CSMD1: variants seen among roughly 807,000 people sequenced by gnomAD.
CSMD1 encodes the protein CUB and Sushi multiple domains 1.
In CSMD1, 213 loss-of-function variants were observed where a neutral mutation model predicts 417.5. The observed-to-expected ratio is 0.51, with a 90% CI of 0.46 to 0.57. CSMD1 has a LOEUF of 0.57. Among genes scored for constraint, CSMD1 ranks in the 20% least tolerant of loss-of-function variants. The pLI is 0.00. For missense variants in CSMD1, 6,923 were observed against 4,529.7 expected (o/e 1.53, Z -15.17); for synonymous variants, 2,862 against 1,736.8 (o/e 1.65, Z -16.11).
chr8:4,878,903 C>A (rs1803218389), intron 1 of CSMD1, among the ~76,000 whole-genome samples: 1 of 150,666 alleles, frequency 6.6e-6, no homozygotes, highest in Non-Finnish European at 1.5e-5. Context: ...ATGCTCCGAG[C>A]AGAGAGAACG....
intron 2 of CSMD1, among the ~76,000 whole-genome samples, chr8:4,444,740 T>C (rs1798681059): frequency 6.6e-6 from 1 of 152,232 alleles, no homozygotes; most frequent in South Asian, 2.1e-4. Flanking sequence ...TGAGGTAAAA[T>C]GATATGAATA....
intron 5 of CSMD1, among the ~76,000 whole-genome samples, chr8:3,949,357 C>G (rs1226987333): frequency 6.6e-6 from 1 of 152,158 alleles, no homozygotes; most frequent in Non-Finnish European, 1.5e-5. Context: ...CCCAACACCT[C>G]AATCTCACAG....
In CSMD1 at chr8:4,288,062, A is replaced by G. The variant is rs537491017; in HGVS notation, c.415+131891T>C. On this transcript the variant is annotated intron_variant, in intron 3 of 69. Transcript: ENST00000635120. ...GACAGAAAGCTAAAACAAGGAGGAT[A>G]TAAAACTTCTTTACTTTTACTGAGC... Among the ~76,000 whole-genome samples the G allele has an allele frequency of 7.9e-5, 12 of 152,358 alleles. No homozygotes were observed. In the East Asian group the frequency reaches 1.9e-3, roughly 24 times the overall value.
intron 1 of CSMD1, among the ~76,000 whole-genome samples, chr8:4,882,549 G>T (rs1169428282): frequency 1.3e-5 from 2 of 151,678 alleles, no homozygotes; most frequent in Non-Finnish European, 2.9e-5. Context: ...CGTGGCCTCT[G>T]CTGAGGCAAC....
At chr8:3,606,598 A>G (rs1321619136) in intron 8 of CSMD1, among the ~76,000 whole-genome samples, 1 of 151,824 alleles carries the variant, frequency 6.6e-6, no homozygotes, top group Admixed American at 6.6e-5. Context: ...ATGACTGTAC[A>G]CTCCTGTAGA....
intron 5 of CSMD1, among the ~76,000 whole-genome samples, chr8:3,757,313 T>G (rs1797714208): frequency 6.6e-6 from 1 of 152,226 alleles, no homozygotes; most frequent in African/African-American, 2.4e-5. Context: ...TCACATGGTC[T>G]TTGTTGGAAA....
chr8:4,667,497 G>A (rs1198664254), intron 1 of CSMD1, among the ~76,000 whole-genome samples: 2 of 151,580 alleles, frequency 1.3e-5, no homozygotes, highest in Admixed American at 1.3e-4. Context: ...TCATGAACAT[G>A]ATATACCCTC....
chr8:3,139,905 C>CTTTT (rs56391105), intron 41 of CSMD1, among the ~76,000 whole-genome samples: 10 of 127,098 alleles, frequency 7.9e-5, no homozygotes, highest in Admixed American at 1.6e-4. Context: ...TTCTTTCTTT[C>CTTTT]TTTTTTTTTT....
intron 41 of CSMD1, among the ~76,000 whole-genome samples, chr8:3,137,045 T>G (rs1424656202): frequency 6.6e-6 from 1 of 152,180 alleles, no homozygotes; most frequent in African/African-American, 2.4e-5. Flanking sequence ...TGATCAGATC[T>G]GGGTAATTAC....
chr8:3,446,530 T>C (rs1815319663), intron 12 of CSMD1, among the ~76,000 whole-genome samples: 1 of 152,110 alleles, frequency 6.6e-6, no homozygotes, highest in Non-Finnish European at 1.5e-5. Flanking sequence ...AAAAGCAAAC[T>C]CAAGGATAGA....
chr8:3,366,255 T>A (rs1809560352), intron 20 of CSMD1, among the ~76,000 whole-genome samples: 1 of 152,132 alleles, frequency 6.6e-6, no homozygotes, highest in African/African-American at 2.4e-5. Context: ...GGTGGGGGCA[T>A]GCTGGAAATG....
At position 4,438,110 on chromosome 8, in the gene CSMD1, C is replaced by G. The variant is rs76169133; in HGVS notation, c.303-18045G>C. Among the ~76,000 whole-genome samples the G allele has an allele frequency of 6.4e-3, 972 of 152,278 alleles. 7 individuals carry two copies. Among genetic ancestry groups the G allele is most frequent in the Non-Finnish European group, 0.011 (736 of 68,026 alleles). On this transcript the variant is annotated intron_variant, in intron 2 of 69. Transcript: ENST00000635120. The stretch of plus-strand genomic sequence containing the variant: ...GTTTCCAAGTTCCTGCTGTTTCTAG[C>G]ACACTACGCTGCACTCAGAAAAGAA...
intron 12 of CSMD1, among the ~76,000 whole-genome samples, chr8:3,452,180 T>G (rs1815772774): frequency 6.6e-6 from 1 of 152,232 alleles, no homozygotes; most frequent in Admixed American, 6.5e-5. Flanking sequence ...TCCTGAGACT[T>G]TGCTAAAGTT....
At chr8:3,454,249 G>T (rs1331686869) in intron 12 of CSMD1, among the ~76,000 whole-genome samples, 1 of 152,122 alleles carries the variant, frequency 6.6e-6, no homozygotes, top group Non-Finnish European at 1.5e-5. Context: ...ACACTGATGG[G>T]TCTTGACTCT....
chr8:3,821,672 C>G (rs1172451727), intron 5 of CSMD1, among the ~76,000 whole-genome samples: 1 of 152,184 alleles, frequency 6.6e-6, no homozygotes, highest in Admixed American at 6.5e-5. Flanking sequence ...ATCCCAACTA[C>G]TCAGGAGGCT....
chr8:3,225,277 C>G (rs764890996), intron 27 of CSMD1, among the ~76,000 whole-genome samples: 1 of 152,242 alleles, frequency 6.6e-6, no homozygotes, highest in South Asian at 2.1e-4. Context: ...AATGCAAACT[C>G]TGAATGCTAT....
chr8:4,418,956 G>A (rs1029539547), intron 3 of CSMD1, among the ~76,000 whole-genome samples: 1 of 152,140 alleles, frequency 6.6e-6, no homozygotes, highest in Admixed American at 6.6e-5. Flanking sequence ...CCATTCCTAT[G>A]TCTCTGCAAA....
rs553190448 is a variant in CSMD1 at position 3,137,300 on chromosome 8, G to A, written c.6241+5165C>T. 2.6e-5 allele frequency among the ~76,000 whole-genome samples: 4 copies of A among 152,334 alleles called. No individual in the cohort carries two copies. The South Asian group carries it at 8.3e-4, about 32-fold the overall frequency. On this transcript the variant is annotated intron_variant, in intron 41 of 69. Transcript: ENST00000635120. ...TTGATTTAATTTAATGAGGAAGCCGGAGCACAGACCTCAAACAAATAAAGG... is the reference window on the plus strand; with the variant it reads ...TTGATTTAATTTAATGAGGAAGCCGAAGCACAGACCTCAAACAAATAAAGG...
At chr8:3,840,369 T>C (rs1433834860) in intron 5 of CSMD1, among the ~76,000 whole-genome samples, 1 of 152,120 alleles carries the variant, frequency 6.6e-6, no homozygotes, top group Admixed American at 6.5e-5. Flanking sequence ...TGCACAAATA[T>C]GCTGAGGGAG....
Sources: allele counts gnomAD v4.1 joint callset (sites outside exome capture counted in the v4.1 genomes callset), GRCh38; gene constraint gnomAD v4.1.1; transcripts MANE v1.5; gene names NCBI Gene and HGNC (gene_info 2026-07-23, HGNC 2026-07-21).